Variants in PDE4D observed in about 807,000 individuals in gnomAD.
PDE4D encodes the protein phosphodiesterase 4D.
PDE4D carries 24 observed loss-of-function variants against 87.4 expected under a neutral mutation model. The ratio of observed to expected loss-of-function variants is 0.27; its 90% CI spans 0.20 to 0.39. PDE4D has a LOEUF of 0.39. Among genes scored for constraint, PDE4D ranks in the 10% least tolerant of loss-of-function variants. The probability of loss-of-function intolerance (pLI) is 1.00; values close to 1 mark genes in which losing one functional copy is unlikely to be tolerated. For missense variants in PDE4D, 714 were observed against 1,041.0 expected (o/e 0.69, Z 4.32); for synonymous variants, 384 against 383.2 (o/e 1.00, Z -0.02).
At chr5:59,675,439 C>A (rs402874) in intron 1 of PDE4D, among the ~76,000 whole-genome samples, 52,171 of 151,698 alleles carry the variant, frequency 0.34, 10,651 homozygotes, top group East Asian at 0.69. Flanking sequence ...TATGAAATGG[C>A]AATGGACAAA....
At chr5:60,106,795 A>G (rs202127716) in intron 2 of PDE4D, among the ~76,000 whole-genome samples, 12 of 149,676 alleles carry the variant, frequency 8.0e-5, no homozygotes, top group African/African-American at 2.2e-4. Context: ...AAATAAAGAT[A>G]TTCTTTGAAA....
intron 2 of PDE4D, among the ~76,000 whole-genome samples, chr5:60,007,568 AC>A (rs1452237119): frequency 6.6e-6 from 1 of 152,008 alleles, no homozygotes; most frequent in Admixed American, 6.6e-5. Context: ...TTGTTACCAC[AC>A]ATACCTACAC....
intron 1 of PDE4D, among the ~76,000 whole-genome samples, chr5:59,528,183 T>C (rs551786055): frequency 4.2e-4 from 64 of 152,312 alleles, no homozygotes; most frequent in Non-Finnish European, 5.1e-4. Context: ...AACAAATCTA[T>C]ACTGAGTACA....
intron 1 of PDE4D, among the ~76,000 whole-genome samples, chr5:59,447,819 G>A (rs1032087825): frequency 1.2e-4 from 19 of 152,212 alleles, no homozygotes; most frequent in Non-Finnish European, 2.4e-4. Context: ...AATGGCATGT[G>A]CATGGAAGAG....
intron 1 of PDE4D, among the ~76,000 whole-genome samples, chr5:59,786,843 C>A (rs1765228721): frequency 6.6e-6 from 1 of 152,100 alleles, no homozygotes; most frequent in Admixed American, 6.5e-5. Context: ...TAAAAGAGGT[C>A]ATTGATGCCC....
chr5:59,151,181 G>T (rs1048665087), intron 5 of PDE4D, among the ~76,000 whole-genome samples: 3 of 152,148 alleles, frequency 2.0e-5, no homozygotes, highest in African/African-American at 7.2e-5. Flanking sequence ...AGGGACGTTT[G>T]TGAATTACTA....
intron 1 of PDE4D, among the ~76,000 whole-genome samples, chr5:60,210,607 A>G (rs1743085172): frequency 6.6e-6 from 1 of 152,160 alleles, no homozygotes; most frequent in African/African-American, 2.4e-5. Context: ...GAAGTAAAAA[A>G]GGATACACCC....
At chr5:59,638,636 T>C (rs1483276148) in intron 1 of PDE4D, among the ~76,000 whole-genome samples, 2 of 152,068 alleles carry the variant, frequency 1.3e-5, no homozygotes, top group East Asian at 1.9e-4. Context: ...CCAATCCTTA[T>C]AGTATCACTT....
intron 1 of PDE4D, among the ~76,000 whole-genome samples, chr5:59,710,070 G>A (rs958357978): frequency 6.6e-6 from 1 of 152,156 alleles, no homozygotes; most frequent in Non-Finnish European, 1.5e-5. Flanking sequence ...GAGACATGGT[G>A]ACTATGTGCA....
intron 1 of PDE4D, among the ~76,000 whole-genome samples, chr5:59,666,866 G>A (rs575525692): frequency 6.6e-6 from 1 of 152,308 alleles, no homozygotes; most frequent in Middle Eastern, 3.4e-3. Flanking sequence ...CTTGATGTCA[G>A]AGTAAAATCT....
At chr5:60,283,174 T>C (rs1418120808) in intron 1 of PDE4D, among the ~76,000 whole-genome samples, 1 of 151,924 alleles carries the variant, frequency 6.6e-6, no homozygotes, top group Non-Finnish European at 1.5e-5. Flanking sequence ...ATCTCCATCT[T>C]ATACCCTCAG....
intron 1 of PDE4D, among the ~76,000 whole-genome samples, chr5:59,676,440 G>C (rs188160940): frequency 7.6e-4 from 115 of 152,206 alleles, no homozygotes; most frequent in Non-Finnish European, 1.3e-3. Flanking sequence ...GCACATGTTT[G>C]GGAACAGTCA....
At chr5:60,270,139 C>T (rs183238054) in intron 1 of PDE4D, among the ~76,000 whole-genome samples, 2 of 152,228 alleles carry the variant, frequency 1.3e-5, no homozygotes, top group East Asian at 3.9e-4. Context: ...ATACCATGAA[C>T]CAAGACAGGG....
chr5:59,401,487 T>TCTGTCTG (rs59711307), intron 1 of PDE4D, among the ~76,000 whole-genome samples: 1 of 151,292 alleles, frequency 6.6e-6, no homozygotes, highest in South Asian at 2.1e-4. Flanking sequence ...TATCTATCTA[T>TCTGTCTG]TTTGATCCCA....
intron 1 of PDE4D, among the ~76,000 whole-genome samples, chr5:59,221,153 G>A (rs752925485): frequency 6.6e-6 from 1 of 152,126 alleles, no homozygotes; most frequent in African/African-American, 2.4e-5. Flanking sequence ...TCATAAGTGG[G>A]TTTTAAACTC....
intron 6 of PDE4D, among the ~76,000 whole-genome samples, chr5:59,006,941 A>G (rs1751738484): frequency 6.6e-6 from 1 of 152,230 alleles, no homozygotes; most frequent in African/African-American, 2.4e-5. Context: ...CAAAGCCAGT[A>G]GTAAGTAACA....
At chr5:59,525,484 C>G (rs539050283) in intron 1 of PDE4D, among the ~76,000 whole-genome samples, 2 of 152,160 alleles carry the variant, frequency 1.3e-5, no homozygotes, top group Non-Finnish European at 2.9e-5. Context: ...GGCTCATAGA[C>G]AGAAGGGACT....
Position 59,307,509 on chromosome 5 carries a change from C to T in PDE4D, c.456-91541G>A, listed in dbSNP as rs1268253939. On this transcript the variant is annotated intron_variant, in intron 1 of 14. Coordinates refer to ENST00000340635, the MANE Select transcript of PDE4D (RefSeq NM_001104631.2). ...AATCTACAATGAACTCAAACAAATT[C>T]ACAAGAAAAAAACAAACAACCCCAT... is the stretch of plus-strand genomic sequence containing the variant. Among the ~76,000 whole-genome samples the T allele has an allele frequency of 1.8e-3, 277 of 151,990 alleles. 3 individuals carry two copies. The highest frequency in any genetic ancestry group is 2.7e-3 in the Non-Finnish European group (184 of 67,902).
intron 2 of PDE4D, among the ~76,000 whole-genome samples, chr5:60,027,993 C>T (rs1458303571): frequency 6.6e-6 from 1 of 152,120 alleles, no homozygotes; most frequent in Non-Finnish European, 1.5e-5. Flanking sequence ...CGATCATGTC[C>T]TCTTATGGCC....
Sources: gnomAD v4.1 joint callset for allele counts (sites outside exome capture counted in the v4.1 genomes callset) on GRCh38, gnomAD v4.1.1 for gene constraint, MANE v1.5 for transcripts, NCBI Gene and HGNC (gene_info 2026-07-23, HGNC 2026-07-21) for gene names.